GOLGA7B: variants seen among roughly 807,000 people sequenced by gnomAD.
The protein encoded by GOLGA7B is golgin A7 family member B.
GOLGA7B carries 17 observed loss-of-function variants against 21.5 expected under a neutral mutation model. That is an observed-to-expected ratio of 0.79 (90% CI 0.54 to 1.19). The LOEUF is 1.19. Among genes scored for constraint, GOLGA7B ranks in the 50% most tolerant of loss-of-function variants. The probability of loss-of-function intolerance (pLI) is 0.00; values close to 1 mark genes in which losing one functional copy is unlikely to be tolerated. For synonymous variants in GOLGA7B, 87 were observed against 84.0 expected (o/e 1.04, Z -0.19); for missense variants, 169 against 224.4 (o/e 0.75, Z 1.58).
Position 97,865,629 on chromosome 10 carries a change from A to G in GOLGA7B, c.433A>G (p.Ser145Gly). 2.5e-6 allele frequency: 4 copies of G among 1,613,002 alleles called. No individual in the cohort carries two copies. Among genetic ancestry groups the G allele is most frequent in the Non-Finnish European group, 3.4e-6 (4 of 1,179,578 alleles). Residue 145 changes from serine to glycine, a missense_variant, in exon 5 of 5, where the codon AGC (serine) becomes GGC (glycine). Coordinates refer to ENST00000370602, the MANE Select transcript of GOLGA7B (RefSeq NM_001010917.3). Reference protein sequence around the residue: ...SIYEDRCSSGSSSSGSSSGSG... With the variant: ...SIYEDRCSSGGSSSGSSSGSG... ...CTACGAGGACCGGTGCAGCAGTGGC[A>G]GCTCCAGCAGCGGCAGCAGCAGCGG...
At chr10:97,862,884 G>T (rs2049979684) in intron 2 of GOLGA7B, among the ~76,000 whole-genome samples, 1 of 152,172 alleles carries the variant, frequency 6.6e-6, no homozygotes, top group South Asian at 2.1e-4. Flanking sequence ...ACGGCAGCCT[G>T]CAGGGGAAAG....
At chr10:97,850,860 G>GTTTT (rs564025755) in intron 1 of GOLGA7B, among the ~76,000 whole-genome samples, 1 of 137,956 alleles carries the variant, frequency 7.2e-6, no homozygotes. Flanking sequence ...CCCCATTCGA[G>GTTTT]TTTTTTTTTT....
In GOLGA7B at chr10:97,865,813, C is replaced by T; in HGVS notation, c.*113C>T. 1.4e-5 allele frequency: 8 copies of T among 564,776 alleles called. No homozygotes were observed. Among genetic ancestry groups the T allele is most frequent in the Non-Finnish European group, 2.2e-5 (8 of 360,636 alleles). 35.0% of individuals were successfully genotyped at this position (564,776 alleles called of 1,614,324 possible). ...TGAGTCATTCTTTGGGCTCACCCTG[C>T]TGCCCGGGGTGGGAGGGAGGGTGAC... On this transcript the variant is annotated 3_prime_UTR_variant, in exon 5 of 5. Transcript: ENST00000370602.
rs905903134 is a variant in GOLGA7B at position 97,870,527 on chromosome 10, G to A, written c.*4827G>A. The A allele has an allele frequency of 2.0e-5, 3 of 152,112 alleles. No homozygotes were observed. The highest frequency in any genetic ancestry group is 7.2e-5 in the African/African-American group (3 of 41,396). 9.4% of individuals were successfully genotyped at this position (152,112 alleles called of 1,614,324 possible). A position where few individuals can be genotyped will look rare whatever the true frequency, so the allele number is the denominator to read the frequency against. On this transcript the variant is annotated 3_prime_UTR_variant, in exon 5 of 5. Transcript: ENST00000370602. ...TTCTTGATCAGAGTGCCAGTTACACGGGGTGCTCACTTCATGAGAATTCAC... is the reference window on the plus strand; with the variant it reads ...TTCTTGATCAGAGTGCCAGTTACACAGGGTGCTCACTTCATGAGAATTCAC...
At chr10:97,863,869 A>G in intron 2 of GOLGA7B, 61 bp from the exon 3 acceptor site, 2 of 1,532,692 alleles carry the variant, frequency 1.3e-6, no homozygotes, top group Non-Finnish European at 1.8e-6. Flanking sequence ...TTCCAGCCCT[A>G]CCTGTGACTG....
At position 97,871,090 on chromosome 10, in the gene GOLGA7B, A is replaced by T. The variant is rs1356576038; in HGVS notation, c.*5390A>T. The T allele has an allele frequency of 6.6e-6, 1 of 152,142 alleles. No individual in the cohort carries two copies. Among genetic ancestry groups the T allele is most frequent in the African/African-American group, 2.4e-5 (1 of 41,422 alleles). 9.4% of individuals were successfully genotyped at this position (152,142 alleles called of 1,614,324 possible). A position where few individuals can be genotyped will look rare whatever the true frequency, so the allele number is the denominator to read the frequency against. ...GAGCCCAGCCTTCGGAGGTTTCCGCATGAGCCTTCTCGGGCGACTTCTAGG... is the reference window on the plus strand; with the variant it reads ...GAGCCCAGCCTTCGGAGGTTTCCGCTTGAGCCTTCTCGGGCGACTTCTAGG... On this transcript the variant is annotated 3_prime_UTR_variant, in exon 5 of 5. Transcript: ENST00000370602.
intron 2 of GOLGA7B, among the ~76,000 whole-genome samples, chr10:97,863,339 C>T (rs2049983510): frequency 6.6e-6 from 1 of 152,134 alleles, no homozygotes. Flanking sequence ...ATTAGCCATT[C>T]CTATTATGGA....
intron 1 of GOLGA7B, among the ~76,000 whole-genome samples, chr10:97,856,836 T>C (rs1307990687): frequency 6.6e-6 from 1 of 152,244 alleles, no homozygotes; most frequent in African/African-American, 2.4e-5. Context: ...CTTATTGATG[T>C]TGATCATTTT....
chr10:97,856,201 G>A (rs954333076), intron 1 of GOLGA7B, among the ~76,000 whole-genome samples: 3 of 152,122 alleles, frequency 2.0e-5, no homozygotes, highest in South Asian at 2.1e-4. Context: ...CATTGTACCC[G>A]ATGGGTAATT....
intron 4 of GOLGA7B, among the ~76,000 whole-genome samples, chr10:97,864,601 C>A (rs980159819): frequency 6.6e-6 from 1 of 152,190 alleles, no homozygotes; most frequent in Non-Finnish European, 1.5e-5. Context: ...TGCTTAGAGT[C>A]GTGCAGCTGG....
Position 97,865,637 on chromosome 10 carries a change from C to T in GOLGA7B, c.441C>T (p.Ser147=). The part of the protein sequence containing the change: ...YEDRCSSGSS[S]SGSSSGSGSS... ...ACCGGTGCAGCAGTGGCAGCTCCAG[C>T]AGCGGCAGCAGCAGCGGCAGTGGCA... Residue 147 remains serine, a synonymous_variant, in exon 5 of 5, where the codon AGC becomes AGT. Coordinates refer to ENST00000370602, the MANE Select transcript of GOLGA7B (RefSeq NM_001010917.3). 3 of 1,612,338 alleles carry T rather than the reference C, an allele frequency of 1.9e-6. No homozygotes were observed. The highest frequency in any genetic ancestry group is 2.5e-6 in the Non-Finnish European group (3 of 1,179,348).
rs998686056 is a variant in GOLGA7B, at chr10:97,850,223, G to A, written c.-81G>A. ...CGGGCCCCAGCTCGCCGCCACCGCC[G>A]CCGCCCACCTGCTCCCGGGGTCAGC... On this transcript the variant is annotated 5_prime_UTR_variant, in exon 1 of 5. Transcript: ENST00000370602. 2.1e-5 allele frequency: 22 copies of A among 1,026,942 alleles called. No homozygotes were observed. Among genetic ancestry groups the A allele is most frequent in the Middle Eastern group, 3.4e-4 (1 of 2,902 alleles). 63.6% of individuals were successfully genotyped at this position (1,026,942 alleles called of 1,614,324 possible).
At chr10:97,850,617 C>T (rs1314757420) in intron 1 of GOLGA7B, among the ~76,000 whole-genome samples, 2 of 152,160 alleles carry the variant, frequency 1.3e-5, no homozygotes, top group Non-Finnish European at 2.9e-5. Context: ...AGTCCTGAAA[C>T]CGCTTTCCTA....
chr10:97,868,002 T>C lies in GOLGA7B; in HGVS notation c.*2302T>C, dbSNP rs2050048540. 1 of 152,248 alleles carries C rather than the reference T, an allele frequency of 6.6e-6. No individual in the cohort carries two copies. Among genetic ancestry groups the C allele is most frequent in the Admixed American group, 6.5e-5 (1 of 15,278 alleles). The allele number at this position is 152,248 out of a possible 1,614,324, so 9.4% of individuals were successfully genotyped here. A position where few individuals can be genotyped will look rare whatever the true frequency, so the allele number is the denominator to read the frequency against. ...GAGGCCAAAAGTAATCAATTAATGA[T>C]ATCAATAAATCCTCATTTCTTGAGC... On this transcript the variant is annotated 3_prime_UTR_variant, in exon 5 of 5. Coordinates refer to ENST00000370602, the MANE Select transcript of GOLGA7B (RefSeq NM_001010917.3).
chr10:97,862,994 G>T (rs1179501065), intron 2 of GOLGA7B, among the ~76,000 whole-genome samples: 1 of 152,324 alleles, frequency 6.6e-6, no homozygotes, highest in East Asian at 1.9e-4. Context: ...AGGGGTAGCA[G>T]GGTCGGGCCA....
In GOLGA7B at chr10:97,850,195, C is replaced by T. The variant is rs941388152; in HGVS notation, c.-109C>T. On this transcript the variant is annotated 5_prime_UTR_variant, in exon 1 of 5. Transcript: ENST00000370602. Reference sequence around the variant, plus strand: ...GCCCGCATCAGCACTGCGGACAGCGCCCCGGGCCCCAGCTCGCCGCCACCG... The same window carrying T: ...GCCCGCATCAGCACTGCGGACAGCGTCCCGGGCCCCAGCTCGCCGCCACCG... The T allele has an allele frequency of 3.8e-5, 26 of 690,098 alleles. No individual in the cohort carries two copies. Among genetic ancestry groups the T allele is most frequent in the Non-Finnish European group, 5.3e-5 (25 of 469,912 alleles). 42.7% of individuals were successfully genotyped at this position (690,098 alleles called of 1,614,324 possible). A position where few individuals can be genotyped will look rare whatever the true frequency, so the allele number is the denominator to read the frequency against.
chr10:97,858,443 G>A (rs905600790), intron 1 of GOLGA7B, among the ~76,000 whole-genome samples: 3 of 152,144 alleles, frequency 2.0e-5, no homozygotes, highest in East Asian at 1.9e-4. Flanking sequence ...TGGTCTCCAC[G>A]TGTTCTCAGT....
Position 97,850,033 on chromosome 10 carries a change from TC to T in GOLGA7B, c.-270del, listed in dbSNP as rs985712605. ...CTGCAGGAGCCGCGGCAGCGGGCGA[TC>T]GGGCCGTGAGGAGCCTCGGGCGCGG... On this transcript the variant is annotated 5_prime_UTR_variant, in exon 1 of 5. It adds an upstream start codon to the 5' untranslated region. Transcript: ENST00000370602. 2.7e-5 allele frequency among the ~76,000 whole-genome samples: 4 copies of T among 148,496 alleles called. No homozygotes were observed. The highest frequency in any genetic ancestry group is 9.9e-5 in the African/African-American group (4 of 40,408).
At chr10:97,861,723 G>T (rs2049972234) in intron 2 of GOLGA7B, among the ~76,000 whole-genome samples, 1 of 152,244 alleles carries the variant, frequency 6.6e-6, no homozygotes. Flanking sequence ...GGGAAGTGGG[G>T]GCAGGGATGG....
Sources: gnomAD v4.1 joint callset for allele counts (sites outside exome capture counted in the v4.1 genomes callset) on GRCh38, gnomAD v4.1.1 for gene constraint, MANE v1.5 for transcripts, NCBI Gene and HGNC (gene_info 2026-07-23, HGNC 2026-07-21) for gene names.